Variants in CFAP77 observed in about 807,000 individuals in gnomAD.
CFAP77 encodes cilia- and flagella-associated protein 77.
Under a neutral mutation model 31.1 loss-of-function variants are expected in CFAP77, and 25 were observed. That is an observed-to-expected ratio of 0.80 (90% CI 0.59 to 1.12). The LOEUF (loss-of-function observed/expected upper bound fraction) is 1.12, where lower values mean the gene tolerates loss of function less well. Among genes scored for constraint, CFAP77 ranks in the 50% most tolerant of loss-of-function variants. The pLI, the probability that CFAP77 is intolerant of heterozygous loss-of-function variation, is 0.00. For missense variants in CFAP77, 377 were observed against 397.3 expected, an observed-to-expected ratio of 0.95 and a Z score of 0.44; for synonymous variants, 151 against 159.9, an observed-to-expected ratio of 0.94 and a Z score of 0.42.
chr9:132,500,808 G>A (rs1027960629), intron 3 of CFAP77, among the ~76,000 whole-genome samples: 8 of 152,288 alleles, frequency 5.3e-5, no homozygotes, highest in Admixed American at 2.6e-4. Context: ...GGGCACGACC[G>A]GCCTGGCGCT....
rs1851547486 is a variant in CFAP77, at chr9:132,486,072, A to G, written c.196-12623A>G. 1.4e-4 allele frequency among the ~76,000 whole-genome samples: 2 copies of G among 14,468 alleles called. 1 individual carries two copies. The highest frequency in any genetic ancestry group is 2.1e-4 in the Non-Finnish European group (2 of 9,468). The allele number at this position is 14,468 out of a possible 152,430, so 9.5% of individuals were successfully genotyped here. On this transcript the variant is annotated intron_variant, in intron 1 of 5. Coordinates refer to ENST00000393216, the MANE Select transcript of CFAP77 (RefSeq NM_001282957.2). ...TATATGTATGTGTGTGTGTGTATAT[A>G]TATATATATATATATATATTTTTTT...
Position 132,453,438 on chromosome 9 carries a change from A to T in CFAP77, c.195+42972A>T, listed in dbSNP as rs1363036860. On this transcript the variant is annotated intron_variant, in intron 1 of 5. Transcript: ENST00000393216. ...TTACTTGGGAGGCTGAGGCAGGAGA[A>T]TTGCTTGAACCCGGGAGGCGGAGGT... Among the ~76,000 whole-genome samples, 598 of 150,408 alleles carry T rather than the reference A, an allele frequency of 4.0e-3. 16 individuals carry two copies. Among genetic ancestry groups the T allele is most frequent in the Middle Eastern group, 0.024 (7 of 288 alleles).
rs1852595423 is a variant in CFAP77, at chr9:132,539,016, G to C, written c.630+1310G>C. Among the ~76,000 whole-genome samples, 1 of 152,170 alleles carries C rather than the reference G, an allele frequency of 6.6e-6. No homozygotes were observed. On this transcript the variant is annotated intron_variant, in intron 4 of 5. Transcript: ENST00000393216. This position sits in a 1 kb window ranked among gnomAD's most constrained non-coding sequence, Gnocchi z 4.3. ...GCAAGAGAGTTGCTTGGACCCAGGA[G>C]GTGGAGGTTGCAGTGAGCCAAGATC...
At chr9:132,512,103 G>A (rs1453002461) in intron 3 of CFAP77, among the ~76,000 whole-genome samples, 4 of 151,962 alleles carry the variant, frequency 2.6e-5, no homozygotes, top group Non-Finnish European at 4.4e-5. Context: ...TCTGGAAGCC[G>A]GAAGTCTGAA....
intron 1 of CFAP77, among the ~76,000 whole-genome samples, chr9:132,426,039 G>A (rs529796626): frequency 7.2e-5 from 11 of 152,272 alleles, no homozygotes; most frequent in Middle Eastern, 3.4e-3. Flanking sequence ...TTCACAAGCC[G>A]GCCAGTCATT....
intron 1 of CFAP77, among the ~76,000 whole-genome samples, chr9:132,470,163 T>A (rs1851230303): frequency 6.6e-6 from 1 of 151,784 alleles, no homozygotes; most frequent in Non-Finnish European, 1.5e-5. Flanking sequence ...TTTTAAAGAG[T>A]GGTCTTTTCG....
intron 1 of CFAP77, among the ~76,000 whole-genome samples, chr9:132,492,212 T>C (rs1056733139): frequency 1.3e-5 from 2 of 152,214 alleles, no homozygotes; most frequent in East Asian, 1.9e-4. Flanking sequence ...CACTTGAGCC[T>C]GGAATGTCGA....
intron 1 of CFAP77, among the ~76,000 whole-genome samples, chr9:132,453,401 C>A (rs1036178220): frequency 6.0e-5 from 9 of 149,548 alleles, no homozygotes; most frequent in Non-Finnish European, 1.3e-4. Flanking sequence ...CGGCATGCGC[C>A]TGTAATCCCA....
Position 132,499,338 on chromosome 9 carries a change from G to T in CFAP77, c.296-34G>T. 1.2e-6 allele frequency: 2 copies of T among 1,601,438 alleles called. No homozygotes were observed. Among genetic ancestry groups the T allele is most frequent in the South Asian group, 2.2e-5 (2 of 90,626 alleles). On this transcript the variant is annotated intron_variant, in intron 2 of 5. Coordinates refer to ENST00000393216, the MANE Select transcript of CFAP77 (RefSeq NM_001282957.2). The surrounding 1 kb of genome is among the most constrained non-coding windows in gnomAD (Gnocchi z 5.4). ...GCCTCAGGGTGCTTACTCCCAGGCTGACCACTGCCCCGTGGGTCTCTCCCT... is the reference window on the plus strand; with the variant it reads ...GCCTCAGGGTGCTTACTCCCAGGCTTACCACTGCCCCGTGGGTCTCTCCCT...
intron 1 of CFAP77, among the ~76,000 whole-genome samples, chr9:132,469,892 T>G (rs1199790260): frequency 6.9e-6 from 1 of 144,212 alleles, no homozygotes; most frequent in Non-Finnish European, 1.5e-5. Flanking sequence ...CAGGCTGGAG[T>G]GCAATGGTGT....
At chr9:132,446,747 A>C (rs887674277) in intron 1 of CFAP77, among the ~76,000 whole-genome samples, 8 of 126,238 alleles carry the variant, frequency 6.3e-5, no homozygotes, top group Admixed American at 2.2e-4. Flanking sequence ...CCGTCTCAAA[A>C]AAAAAAAAAA....
intron 3 of CFAP77, among the ~76,000 whole-genome samples, chr9:132,508,206 G>GC (rs1272465780): frequency 6.6e-6 from 1 of 152,110 alleles, no homozygotes; most frequent in Non-Finnish European, 1.5e-5. Context: ...TGTGATCCCC[G>GC]CCCCCCGCGC....
At chr9:132,537,783 G>C in intron 4 of CFAP77, 77 bp downstream of exon 4, 1 of 1,061,224 alleles carries the variant, frequency 9.4e-7, no homozygotes, top group Non-Finnish European at 1.4e-6. Flanking sequence ...GCCAAGCATC[G>C]AGATGACACT....
At chr9:132,541,898 G>T (rs947636419) in intron 4 of CFAP77, among the ~76,000 whole-genome samples, 13 of 151,994 alleles carry the variant, frequency 8.6e-5, no homozygotes, top group African/African-American at 3.2e-4. Flanking sequence ...GGGAGGTGAC[G>T]CGGAAGGTTT....
rs1319028739 is a variant in CFAP77, at chr9:132,499,125, G to A, written c.296-247G>A. On this transcript the variant is annotated intron_variant, in intron 2 of 5. Transcript: ENST00000393216. This position sits in a 1 kb window ranked among gnomAD's most constrained non-coding sequence, Gnocchi z 5.4. The stretch of plus-strand genomic sequence containing the variant: ...GGGACCAACCCTCTGCCTGCCCAGA[G>A]GAAGTCAAGGGCCAGCCCAGCTCCA... 6.6e-6 allele frequency among the ~76,000 whole-genome samples: 1 copy of A among 152,234 alleles called. No homozygotes were observed. The highest frequency in any genetic ancestry group is 2.4e-5 in the African/African-American group (1 of 41,466).
intron 1 of CFAP77, chr9:132,482,549 T>C: frequency 2.9e-6 from 2 of 690,704 alleles, no homozygotes; most frequent in Non-Finnish European, 5.1e-6. Flanking sequence ...CGTCTAAATG[T>C]TGTCATTACG....
intron 3 of CFAP77, among the ~76,000 whole-genome samples, chr9:132,523,448 T>TCC (rs1852304735): frequency 6.6e-6 from 1 of 152,226 alleles, no homozygotes; most frequent in African/African-American, 2.4e-5. Context: ...GTATGTCTCC[T>TCC]CCCCTGACTT....
At chr9:132,438,541 A>ATATATATATATATATATATATATTTTTT in intron 1 of CFAP77, among the ~76,000 whole-genome samples, 1 of 108,128 alleles carries the variant, frequency 9.2e-6, no homozygotes, top group African/African-American at 4.1e-5. Flanking sequence ...ATATATATAT[A>ATATATATATATATATATATATATTTTTT]TTTTTTTTTT....
chr9:132,414,894 C>T (rs1850070408), intron 1 of CFAP77, among the ~76,000 whole-genome samples: 1 of 152,130 alleles, frequency 6.6e-6, no homozygotes, highest in South Asian at 2.1e-4. Context: ...CCACACCATG[C>T]CCACTAATAG....
Sources: allele counts gnomAD v4.1 joint callset (sites outside exome capture counted in the v4.1 genomes callset), GRCh38; gene constraint gnomAD v4.1.1; non-coding constraint Gnocchi (gnomAD v3.1); transcripts MANE v1.5; gene names NCBI Gene and HGNC (gene_info 2026-07-23, HGNC 2026-07-21).